The following STYXL1 variants were observed in gnomAD, a reference collection of about 807,000 sequenced individuals.
The protein encoded by STYXL1 is serine/threonine/tyrosine interacting like 1.
STYXL1 carries 32 observed loss-of-function variants against 36.4 expected under a neutral mutation model. The ratio of observed to expected loss-of-function variants is 0.88; its 90% CI spans 0.66 to 1.18. STYXL1 has a LOEUF of 1.18. STYXL1 is among the 50% of genes most tolerant of loss of function. The probability of loss-of-function intolerance (pLI) is 0.00; values close to 1 mark genes in which losing one functional copy is unlikely to be tolerated. For missense variants in STYXL1, 354 were observed against 394.1 expected, an observed-to-expected ratio of 0.90 and a Z score of 0.86; for synonymous variants, 133 against 144.1, an observed-to-expected ratio of 0.92 and a Z score of 0.55.
intron 5 of STYXL1, among the ~76,000 whole-genome samples, chr7:76,012,333 T>C (rs1429758179): frequency 2.0e-5 from 3 of 152,114 alleles, no homozygotes; most frequent in African/African-American, 7.2e-5. Context: ...TGGAGTACAG[T>C]GGCATGGCAA....
chr7:76,031,358 A>G lies in STYXL1; in HGVS notation c.-4-831T>C, dbSNP rs1363318769. On this transcript the variant is annotated intron_variant, in intron 1 of 8. Transcript: ENST00000359697. ...AAAAAAAAAAAAAAAAAAAAAAAAA[A>G]GTAATATATTGAACTTCAAACAAAG... Among the ~76,000 whole-genome samples, 11 of 131,654 alleles carry G rather than the reference A, an allele frequency of 8.4e-5. No individual in the cohort carries two copies. In the East Asian group the frequency reaches 1.8e-3, roughly 21 times the overall value. 86.4% of individuals were successfully genotyped at this position (131,654 alleles called of 152,430 possible).
At position 76,021,362 on chromosome 7, in the gene STYXL1, T is replaced by G. The variant is rs183541430; in HGVS notation, c.307+489A>C. The stretch of plus-strand genomic sequence containing the variant: ...TCCCAAAGTGCTGGGATTACAGGCA[T>G]GAGCCACCGCGCCCGGCCAAGAATA... On this transcript the variant is annotated intron_variant, in intron 4 of 8. Transcript: ENST00000359697. Among the ~76,000 whole-genome samples the G allele has an allele frequency of 3.7e-4, 56 of 152,272 alleles. 3 individuals carry two copies. In the East Asian group the frequency reaches 0.01, roughly 28 times the overall value.
intron 1 of STYXL1, among the ~76,000 whole-genome samples, chr7:76,042,065 C>T (rs1554582264): frequency 6.6e-6 from 1 of 152,094 alleles, no homozygotes; most frequent in Non-Finnish European, 1.5e-5. Context: ...TCTGCAGGTG[C>T]ATGTGTGTGC....
intron 1 of STYXL1, among the ~76,000 whole-genome samples, chr7:76,046,645 CTTTTTT>C (rs147700789): frequency 7.8e-5 from 9 of 116,042 alleles, no homozygotes; most frequent in African/African-American, 1.0e-4. Context: ...CCACACCCGG[CTTTTTT>C]TTTTTTTTTT....
chr7:76,043,015 T>C (rs1554582547), intron 1 of STYXL1, among the ~76,000 whole-genome samples: 1 of 152,162 alleles, frequency 6.6e-6, no homozygotes, highest in African/African-American at 2.4e-5. Context: ...GGTAGCTGCA[T>C]TTGAAATGGC....
At chr7:76,005,844 A>G (rs569304621) in intron 5 of STYXL1, among the ~76,000 whole-genome samples, 18 of 20,438 alleles carry the variant, frequency 8.8e-4, no homozygotes, top group Admixed American at 2.1e-3. Context: ...GAGGAGGAGG[A>G]AGAGAGAGGA....
chr7:76,015,246 T>C (rs1476246939), intron 4 of STYXL1, among the ~76,000 whole-genome samples: 1 of 152,006 alleles, frequency 6.6e-6, no homozygotes, highest in Non-Finnish European at 1.5e-5. Context: ...CAAGACCTTG[T>C]CTCAAAGAAC....
intron 8 of STYXL1, among the ~76,000 whole-genome samples, chr7:75,997,334 T>C (rs575698353): frequency 2.0e-5 from 3 of 152,328 alleles, no homozygotes; most frequent in African/African-American, 7.2e-5. Flanking sequence ...CTTGGGTGGC[T>C]GAGGCAGGAA....
chr7:76,003,737 C>T (rs372309738), intron 7 of STYXL1, 21 bp downstream of exon 7: 33 of 1,610,160 alleles, frequency 2.0e-5, no homozygotes, highest in Admixed American at 3.3e-5. Flanking sequence ...AGTTGCTACC[C>T]GGCCAAGGAA....
At chr7:76,033,864 C>T (rs1329568062) in intron 1 of STYXL1, among the ~76,000 whole-genome samples, 1 of 152,180 alleles carries the variant, frequency 6.6e-6, no homozygotes, top group African/African-American at 2.4e-5. Context: ...TCTTTTAGGT[C>T]TGAATCCTGG....
At chr7:76,017,378 T>TA (rs1363336013) in intron 4 of STYXL1, among the ~76,000 whole-genome samples, 1 of 151,882 alleles carries the variant, frequency 6.6e-6, no homozygotes, top group East Asian at 1.9e-4. Context: ...TACACAGCTA[T>TA]AAAAAAAGAA....
chr7:76,041,969 C>T (rs1171633949), intron 1 of STYXL1, among the ~76,000 whole-genome samples: 8 of 152,112 alleles, frequency 5.3e-5, no homozygotes, highest in Non-Finnish European at 8.8e-5. Flanking sequence ...ACACTTGAGA[C>T]CTATATACTT....
intron 5 of STYXL1, among the ~76,000 whole-genome samples, chr7:76,011,676 G>A (rs1272130425): frequency 3.9e-5 from 6 of 152,182 alleles, no homozygotes; most frequent in South Asian, 4.1e-4. Flanking sequence ...ATCTGTACAC[G>A]GCACTCTCCA....
At chr7:75,997,168 A>C (rs1196063379) in intron 8 of STYXL1, among the ~76,000 whole-genome samples, 3 of 151,654 alleles carry the variant, frequency 2.0e-5, no homozygotes, top group Non-Finnish European at 4.4e-5. Context: ...ACAGTGGCTC[A>C]TGCCTGTAAT....
Position 76,043,411 on chromosome 7 carries a change from G to T in STYXL1, c.-5+4251C>A, listed in dbSNP as rs1210139736. 2.0e-5 allele frequency among the ~76,000 whole-genome samples: 3 copies of T among 152,094 alleles called. No homozygotes were observed. In the South Asian group the frequency reaches 6.2e-4, roughly 32 times the overall value. On this transcript the variant is annotated intron_variant, in intron 1 of 8. Transcript: ENST00000359697. ...CCACCTCAGCCTCCCGAAGTGCTGG[G>T]ATTACAGGCGTGAGTCACCGCACCC...
intron 1 of STYXL1, among the ~76,000 whole-genome samples, chr7:76,038,488 C>T (rs929726014): frequency 1.6e-5 from 2 of 127,498 alleles, no homozygotes; most frequent in African/African-American, 5.4e-5. Flanking sequence ...TGCAGTGGCA[C>T]GATCTCAGCT....
At position 76,013,835 on chromosome 7, in the gene STYXL1, G is replaced by A; in HGVS notation, c.360C>T (p.Thr120=). Residue 120 remains threonine (T), a synonymous_variant, in exon 5 of 9, where the codon ACC becomes ACT. Coordinates refer to ENST00000359697, the MANE Select transcript of STYXL1 (RefSeq NM_001317785.2). ...CTTTCAGGATGTAGACGGGGTGGTG[G>A]GTGAGGCGGGTCAGGATCCTGCCAT... ...IEYGRILTRL[T]HHPVYILKGG... is the part of the protein sequence containing the mutation. The A allele has an allele frequency of 5.0e-6, 8 of 1,613,982 alleles. No individual in the cohort carries two copies. The highest frequency in any genetic ancestry group is 2.2e-5 in the East Asian group (1 of 44,870).
chr7:76,021,827 TTGC>T (rs1794111646), intron 4 of STYXL1, 21 bp downstream of exon 4: 21 of 1,557,242 alleles, frequency 1.3e-5, no homozygotes, highest in Non-Finnish European at 1.8e-5. Flanking sequence ...ACTATTATTC[TTGC>T]TGCTGTTGCA....
intron 5 of STYXL1, among the ~76,000 whole-genome samples, chr7:76,007,482 T>C (rs1180830051): frequency 1.3e-5 from 2 of 152,102 alleles, no homozygotes; most frequent in Non-Finnish European, 2.9e-5. Context: ...CTACACCATC[T>C]TGTATCAGGG....
Sources: allele counts gnomAD v4.1 joint callset (sites outside exome capture counted in the v4.1 genomes callset), GRCh38; gene constraint gnomAD v4.1.1; transcripts MANE v1.5; gene names NCBI Gene and HGNC (gene_info 2026-07-23, HGNC 2026-07-21).